Variants in PTPRZ1 observed in about 807,000 individuals in gnomAD.
PTPRZ1 encodes the protein receptor-type tyrosine-protein phosphatase zeta.
Under a neutral mutation model 214.1 loss-of-function variants are expected in PTPRZ1, and 82 were observed. The observed-to-expected ratio is 0.38, with a 90% CI of 0.32 to 0.46. PTPRZ1 has a LOEUF of 0.46. PTPRZ1 is among the 20% of genes least tolerant of loss of function. The pLI is 1.00. For synonymous variants in PTPRZ1, 945 were observed against 987.9 expected (o/e 0.96, Z 0.81); for missense variants, 2,603 against 2,748.7 (o/e 0.95, Z 1.19).
At chr7:121,887,238 A>G (rs562192398) in intron 1 of PTPRZ1, among the ~76,000 whole-genome samples, 1 of 152,268 alleles carries the variant, frequency 6.6e-6, no homozygotes, top group South Asian at 2.1e-4. Flanking sequence ...GTAGGTGCTC[A>G]GTAAATATTT....
chr7:121,947,258 A>T (rs1431747634), intron 2 of PTPRZ1, among the ~76,000 whole-genome samples: 3 of 83,138 alleles, frequency 3.6e-5, no homozygotes, highest in Non-Finnish European at 4.8e-5. Flanking sequence ...TTAAAATTAT[A>T]AAAAAAAAAA....
In PTPRZ1 at chr7:121,933,930, C is replaced by T. The variant is rs75259428; in HGVS notation, c.124+5709C>T. On this transcript the variant is annotated intron_variant, in intron 2 of 29. Transcript: ENST00000393386. ...CACTTCTTATATAAACAGACTGTTC[C>T]TTTCTAATTTCCAATTGAGCAGTAG... Among the ~76,000 whole-genome samples the T allele has an allele frequency of 3.0e-3, 450 of 152,150 alleles. 3 individuals are homozygous for T. Among genetic ancestry groups the T allele is most frequent in the African/African-American group, 0.01 (426 of 41,502 alleles).
chr7:121,932,513 G>A (rs940974549), intron 2 of PTPRZ1, among the ~76,000 whole-genome samples: 4 of 152,088 alleles, frequency 2.6e-5, no homozygotes, highest in Non-Finnish European at 2.9e-5. Context: ...TTATCTTGTT[G>A]AGCTGTATGT....
intron 2 of PTPRZ1, among the ~76,000 whole-genome samples, chr7:121,961,646 G>C (rs1302135464): frequency 1.3e-5 from 2 of 152,236 alleles, no homozygotes; most frequent in African/African-American, 4.8e-5. Context: ...GCTTGGAATA[G>C]AGGATGCATA....
intron 1 of PTPRZ1, among the ~76,000 whole-genome samples, chr7:121,900,073 G>A (rs967010638): frequency 1.3e-5 from 2 of 152,124 alleles, no homozygotes; most frequent in African/African-American, 2.4e-5. Flanking sequence ...AACAGGGCAC[G>A]AGAATAGGTA....
chr7:122,061,059 C>T, intron 29 of PTPRZ1, 21 bp from the exon 30 acceptor site: 1 of 1,561,182 alleles, frequency 6.4e-7, no homozygotes, highest in East Asian at 2.3e-5. Context: ...CATTTATTAC[C>T]TCCCATCTTC....
chr7:122,001,967 C>T (rs77746686), intron 10 of PTPRZ1, among the ~76,000 whole-genome samples: 8,612 of 151,996 alleles, frequency 0.057, 327 homozygotes, highest in East Asian at 0.2. Flanking sequence ...TTGGTAGTGC[C>T]TGACTCAAAC....
intron 1 of PTPRZ1, among the ~76,000 whole-genome samples, chr7:121,890,313 C>T (rs1300256932): frequency 6.6e-6 from 1 of 152,178 alleles, no homozygotes. Flanking sequence ...TTGTTTAGGA[C>T]AAAAACCTTG....
At position 122,033,824 on chromosome 7, in the gene PTPRZ1, T is replaced by C. The variant is rs1584762435; in HGVS notation, c.5167-271T>C. On this transcript the variant is annotated intron_variant, in intron 15 of 29. Coordinates refer to ENST00000393386, the MANE Select transcript of PTPRZ1 (RefSeq NM_002851.3). ...CATGGAATATGTGGTTCCTCTCATC[T>C]GCATTTTTAAAATCATCATATTATG... is the stretch of plus-strand genomic sequence containing the variant. 4 of 446,350 alleles carry C rather than the reference T, an allele frequency of 9.0e-6. No homozygotes were observed. In the East Asian group the frequency reaches 1.2e-4, roughly 13 times the overall value. The allele number at this position is 446,350 out of a possible 1,614,324, so 27.6% of individuals were successfully genotyped here. A position where few individuals can be genotyped will look rare whatever the true frequency, so the allele number is the denominator to read the frequency against.
intron 23 of PTPRZ1, among the ~76,000 whole-genome samples, chr7:122,048,229 A>G (rs1792059825): frequency 6.6e-6 from 1 of 152,162 alleles, no homozygotes; most frequent in South Asian, 2.1e-4. Flanking sequence ...AAAATTAAAT[A>G]GAAAATTAAA....
At position 122,010,427 on chromosome 7, in the gene PTPRZ1, A is replaced by C; in HGVS notation, c.1381A>C (p.Ile461Leu). 3 of 1,614,076 alleles carry C rather than the reference A, an allele frequency of 1.9e-6. No individual in the cohort carries two copies. Among genetic ancestry groups the C allele is most frequent in the Non-Finnish European group, 1.7e-6 (2 of 1,179,970 alleles). Residue 461 changes from isoleucine to leucine, a missense_variant, in exon 12 of 30, where the codon ATT (isoleucine) becomes CTT (leucine). Transcript: ENST00000393386. ...TNQIRKKEPQISTTTHYNRIG... is the reference protein window; with the variant it reads ...TNQIRKKEPQLSTTTHYNRIG... ...CCAAATCAGGAAAAAGGAACCCCAG[A>C]TTTCTACCACAACACACTACAATCG...
chr7:121,881,185 C>T lies in PTPRZ1; in HGVS notation c.58+7628C>T, dbSNP rs2116162621. On this transcript the variant is annotated intron_variant, in intron 1 of 29. Transcript: ENST00000393386. ...AGACCAGAATCCTCTCTCTATTCACCATGTAAAGACACAGCAAGAAGGCAG... is the reference window on the plus strand; with the variant it reads ...AGACCAGAATCCTCTCTCTATTCACTATGTAAAGACACAGCAAGAAGGCAG... 1.3e-5 allele frequency among the ~76,000 whole-genome samples: 2 copies of T among 152,274 alleles called. 1 individual carries two copies. The highest frequency in any genetic ancestry group is 4.1e-4 in the South Asian group (2 of 4,824).
chr7:121,952,078 C>A (rs1796562375), intron 2 of PTPRZ1, among the ~76,000 whole-genome samples: 1 of 151,998 alleles, frequency 6.6e-6, no homozygotes, highest in Non-Finnish European at 1.5e-5. Context: ...CCTGCCTCAG[C>A]CTCCCGAGTA....
chr7:122,060,676 A>G (rs375733299), intron 29 of PTPRZ1, among the ~76,000 whole-genome samples: 11 of 152,180 alleles, frequency 7.2e-5, no homozygotes, highest in African/African-American at 2.7e-4. Context: ...CATTCCTGAG[A>G]TCTTTCCGTA....
At chr7:121,875,460 T>G (rs1277754449) in intron 1 of PTPRZ1, among the ~76,000 whole-genome samples, 3 of 152,250 alleles carry the variant, frequency 2.0e-5, no homozygotes, top group Non-Finnish European at 4.4e-5. Flanking sequence ...TTTTTCTCTG[T>G]AAAGCATTAT....
chr7:121,930,495 G>A (rs773986736), intron 2 of PTPRZ1, among the ~76,000 whole-genome samples: 17 of 151,940 alleles, frequency 1.1e-4, no homozygotes, highest in Non-Finnish European at 1.0e-4. Flanking sequence ...TTGGACCAAA[G>A]GGCCTACCTA....
At chr7:121,972,368 A>C (rs3736567) in intron 3 of PTPRZ1, among the ~76,000 whole-genome samples, 173 bp from the exon 4 acceptor site, 9,184 of 152,260 alleles carry the variant, frequency 0.06, 324 homozygotes, top group Non-Finnish European at 0.085. Flanking sequence ...GCAATAAGAT[A>C]TAAGTATATT....
Position 122,054,965 on chromosome 7 carries a change from C to A in PTPRZ1, c.6406C>A (p.Pro2136Thr). Residue 2136 changes from proline to threonine, a missense_variant, in exon 27 of 30, where the codon CCA (proline) becomes ACA (threonine). Physicochemically the swap from Pro to Thr is conservative, Grantham distance 38 (BLOSUM62 -1). Around this residue, in one of 6 missense-constraint regions of PTPRZ1, gnomAD observed 134 missense variants for 183.3 expected, o/e 0.73. Coordinates refer to ENST00000393386, the MANE Select transcript of PTPRZ1 (RefSeq NM_002851.3). ...GGCAGAAGATGAATTTGTTTACTGG[C>A]CAAATAAAGATGAGCCTATAAATTG... ...NMAEDEFVYW[P>T]NKDEPINCES... is the part of the protein sequence containing the mutation. The A allele has an allele frequency of 6.3e-7, 1 of 1,599,480 alleles. No individual in the cohort carries two copies. Among genetic ancestry groups the A allele is most frequent in the South Asian group, 1.1e-5 (1 of 88,368 alleles).
chr7:122,016,578 A>C (rs1298264505), intron 12 of PTPRZ1, among the ~76,000 whole-genome samples: 1 of 151,974 alleles, frequency 6.6e-6, no homozygotes, highest in African/African-American at 2.4e-5. Flanking sequence ...ATCCCAGAGC[A>C]CTTTTGAGAA....
Sources: gnomAD v4.1 joint callset for allele counts (sites outside exome capture counted in the v4.1 genomes callset) on GRCh38, gnomAD v4.1.1 for gene constraint, gnomAD v4.1.1 regional missense constraint, MANE v1.5 for transcripts, NCBI Gene and HGNC (gene_info 2026-07-23, HGNC 2026-07-21) for gene names.